The following BRF1 variants were observed in gnomAD, a reference collection of about 807,000 sequenced individuals.
BRF1 encodes BRF1 general transcription factor IIIB subunit, also known as transcription factor IIIB 90 kDa subunit.
Under a neutral mutation model 81.7 loss-of-function variants are expected in BRF1, and 59 were observed. That is an observed-to-expected ratio of 0.72 (90% CI 0.59 to 0.90). The LOEUF (loss-of-function observed/expected upper bound fraction) is 0.90. Among genes scored for constraint, BRF1 ranks in the 40% least tolerant of loss-of-function variants. The pLI is 0.00. For missense variants in BRF1, 1,050 were observed against 936.3 expected, an observed-to-expected ratio of 1.12 and a Z score of -1.58; for synonymous variants, 491 against 395.6, an observed-to-expected ratio of 1.24 and a Z score of -2.86.
intron 5 of BRF1, among the ~76,000 whole-genome samples, chr14:105,243,662 T>C (rs1350655127): frequency 1.3e-5 from 2 of 151,908 alleles, no homozygotes; most frequent in African/African-American, 2.4e-5. Flanking sequence ...TTGATGCTCA[T>C]TAATTATTGA....
intron 1 of BRF1, among the ~76,000 whole-genome samples, chr14:105,299,209 A>T (rs2057878983): frequency 6.6e-6 from 1 of 152,002 alleles, no homozygotes; most frequent in Non-Finnish European, 1.5e-5. Flanking sequence ...AATCACATAT[A>T]CAACAAAGGG....
At chr14:105,300,397 G>C (rs2057957955) in intron 1 of BRF1, 49 bp downstream of exon 1, 9 of 1,468,630 alleles carry the variant, frequency 6.1e-6, no homozygotes, top group Non-Finnish European at 8.1e-6. Flanking sequence ...CCTCCAGCCC[G>C]CCTAAGCCGC....
In BRF1 at chr14:105,298,281, GA is replaced by G. The variant is rs587719377; in HGVS notation, c.184+2164del. On this transcript the variant is annotated intron_variant, in intron 1 of 17. Coordinates refer to ENST00000547530, the MANE Select transcript of BRF1 (RefSeq NM_001519.4). ...GGAAATTAATAGCCACAACAACTTTGAAAAGGAAGAACAAAGGTTGAGGGAC... is the reference window on the plus strand; with the variant it reads ...GGAAATTAATAGCCACAACAACTTTGAAAGGAAGAACAAAGGTTGAGGGAC... Among the ~76,000 whole-genome samples the G allele has an allele frequency of 7.9e-5, 12 of 152,246 alleles. 1 individual carries two copies. The highest frequency in any genetic ancestry group is 2.9e-4 in the African/African-American group (12 of 41,542).
At chr14:105,211,427 G>A in intron 16 of BRF1, 134 bp from the exon 17 acceptor site, 1 of 829,048 alleles carries the variant, frequency 1.2e-6, no homozygotes, top group Non-Finnish European at 1.8e-6. Context: ...GGGTTGGCCA[G>A]GGCTCCCAGG....
rs779794569 is a variant in BRF1 at position 105,252,594 on chromosome 14, T to G, written c.472-15A>C. On this transcript the variant is annotated splice_polypyrimidine_tract_variant and intron_variant, in intron 4 of 17. Transcript: ENST00000547530. ...TACACATTCACCTGAGATGGAGAGATCACAACCAGAAACAGCATTGGTATT... is the reference window on the plus strand; with the variant it reads ...TACACATTCACCTGAGATGGAGAGAGCACAACCAGAAACAGCATTGGTATT... 82 of 1,609,540 alleles carry G rather than the reference T, an allele frequency of 5.1e-5. No individual in the cohort carries two copies. The highest frequency in any genetic ancestry group is 6.4e-5 in the Non-Finnish European group (76 of 1,178,550).
At chr14:105,302,194 T>G (rs1245824924), upstream of BRF1, among the ~76,000 whole-genome samples, 3 of 151,374 alleles carry the variant, frequency 2.0e-5, no homozygotes, top group African/African-American at 7.3e-5. Context: ...CCACCCTCTT[T>G]TTTTTCTTTC....
rs587600638 is a variant in BRF1 at position 105,242,914 on chromosome 14, G to A, written c.545-1500C>T. 2.8e-3 allele frequency among the ~76,000 whole-genome samples: 419 copies of A among 151,962 alleles called. 1 individual carries two copies. The highest frequency in any genetic ancestry group is 6.9e-3 in the Middle Eastern group (2 of 290). Reference sequence around the variant, plus strand: ...GTGGATGACCTGAGCTCAGGAGATCGAGACCACCCTGGGCAACATGGTGAA... The same window carrying A: ...GTGGATGACCTGAGCTCAGGAGATCAAGACCACCCTGGGCAACATGGTGAA... On this transcript the variant is annotated intron_variant, in intron 5 of 17. Transcript: ENST00000547530.
At chr14:105,222,877 C>G (rs925362506) in intron 10 of BRF1, among the ~76,000 whole-genome samples, 5 of 152,168 alleles carry the variant, frequency 3.3e-5, no homozygotes, top group Non-Finnish European at 7.3e-5. Context: ...ATCTGCCCAC[C>G]TCAGCCTCCC....
chr14:105,250,568 G>A, intron 5 of BRF1: 1 of 1,614,134 alleles, frequency 6.2e-7, no homozygotes, highest in Non-Finnish European at 8.5e-7. Context: ...GATGACGGAA[G>A]TGCAGTGTGG....
At chr14:105,217,415 G>T in intron 15 of BRF1, 129 bp downstream of exon 15, 1 of 1,418,880 alleles carries the variant, frequency 7.0e-7, no homozygotes, top group Non-Finnish European at 9.6e-7. Context: ...CCAGCATGCA[G>T]GTGGCAAATG....
At chr14:105,251,929 C>A (rs1204235721) in intron 5 of BRF1, among the ~76,000 whole-genome samples, 1 of 152,042 alleles carries the variant, frequency 6.6e-6, no homozygotes, top group African/African-American at 2.4e-5. Flanking sequence ...TCAAGAAAGG[C>A]ATACAGGAGT....
chr14:105,243,955 G>A (rs896924406), intron 5 of BRF1, among the ~76,000 whole-genome samples: 4 of 152,008 alleles, frequency 2.6e-5, no homozygotes, highest in Admixed American at 6.6e-5. Context: ...AACCAAGACT[G>A]CGCCACTGTA....
chr14:105,246,895 A>C (rs1486579135), intron 5 of BRF1: 1 of 985,244 alleles, frequency 1.0e-6, no homozygotes, highest in African/African-American at 1.7e-5. Flanking sequence ...CTATCCTGGC[A>C]CCCCCGGAGA....
intron 2 of BRF1, among the ~76,000 whole-genome samples, chr14:105,281,527 G>C (rs1353933560): frequency 6.6e-6 from 1 of 150,732 alleles, no homozygotes; most frequent in African/African-American, 2.4e-5. Flanking sequence ...CGGGTGTGTG[G>C]ACAGAGCCTG....
intron 16 of BRF1, 162 bp downstream of exon 16, chr14:105,211,951 C>T (rs920092942): frequency 7.3e-5 from 78 of 1,065,802 alleles, no homozygotes; most frequent in African/African-American, 1.3e-4. Flanking sequence ...CTCCCACCCT[C>T]GGGCCTCGAT....
chr14:105,273,188 C>T (rs1197024297), intron 2 of BRF1, among the ~76,000 whole-genome samples: 2 of 152,156 alleles, frequency 1.3e-5, no homozygotes, highest in Non-Finnish European at 2.9e-5. Context: ...TGAGGTGCGG[C>T]GTGTCTGGCA....
intron 5 of BRF1, among the ~76,000 whole-genome samples, chr14:105,246,171 ACCCTCACCACCGCACT>A (rs2055087033): frequency 6.6e-6 from 1 of 151,738 alleles, no homozygotes; most frequent in South Asian, 2.1e-4. Context: ...GTTGCAGTGC[ACCCTCACCACCGCACT>A]CCAGCCTGGG....
rs587615867 is a variant in BRF1 at position 105,250,684 on chromosome 14, A to C, written c.544+1823T>G. 5 of 1,595,874 alleles carry C rather than the reference A, an allele frequency of 3.1e-6. No individual in the cohort carries two copies. The South Asian group carries it at 5.6e-5, about 18-fold the overall frequency. On this transcript the variant is annotated intron_variant, in intron 5 of 17. Coordinates refer to ENST00000547530, the MANE Select transcript of BRF1 (RefSeq NM_001519.4). The stretch of plus-strand genomic sequence containing the variant: ...TTTTCTATGCCTGAGGTGCCCGGGG[A>C]GGCTGCAGCAGGTCAGCGAGTGAGT...
chr14:105,224,510 G>C (rs1595297044), intron 10 of BRF1, among the ~76,000 whole-genome samples: 1 of 152,300 alleles, frequency 6.6e-6, no homozygotes, highest in East Asian at 1.9e-4. Context: ...CTTCCTTTAA[G>C]GTTGGCAAAA....
Sources: allele counts gnomAD v4.1 joint callset (sites outside exome capture counted in the v4.1 genomes callset), GRCh38; gene constraint gnomAD v4.1.1; transcripts MANE v1.5; gene names NCBI Gene and HGNC (gene_info 2026-07-23, HGNC 2026-07-21).